Variants in ADCY7 observed in about 807,000 individuals in gnomAD.
ADCY7 encodes the protein adenylate cyclase type 7.
Under a neutral mutation model 120.6 loss-of-function variants are expected in ADCY7, and 72 were observed. The observed-to-expected ratio is 0.60, with a 90% CI of 0.49 to 0.73. The LOEUF is 0.73. Ranked by LOEUF, ADCY7 falls within the 30% of genes least tolerant of loss-of-function variation. The probability of loss-of-function intolerance (pLI) is 0.00; values close to 1 mark genes in which losing one functional copy is unlikely to be tolerated. For missense variants in ADCY7, 1,227 were observed against 1,486.0 expected, an observed-to-expected ratio of 0.83 and a Z score of 2.87; for synonymous variants, 661 against 628.0, an observed-to-expected ratio of 1.05 and a Z score of -0.78.
At chr16:50,263,304 G>A (rs1215715601), upstream of ADCY7, among the ~76,000 whole-genome samples, 4 of 152,094 alleles carry the variant, frequency 2.6e-5, no homozygotes, top group Admixed American at 1.3e-4. Flanking sequence ...CCTAGACAGC[G>A]TGAGGGGTGG....
intron 1 of ADCY7, among the ~76,000 whole-genome samples, chr16:50,284,826 G>C (rs958164456): frequency 2.0e-5 from 3 of 152,252 alleles, no homozygotes; most frequent in Non-Finnish European, 4.4e-5. Flanking sequence ...TCTGGGCTCA[G>C]TTCTGCATCT....
intron 6 of ADCY7, 29 bp from the exon 7 acceptor site, chr16:50,294,611 C>T (rs1475561200): frequency 7.8e-7 from 1 of 1,289,802 alleles, no homozygotes. Context: ...CTGGCTCTGA[C>T]ACTCCCTCCC....
chr16:50,314,349 A>T lies in ADCY7; in HGVS notation c.2914A>T (p.Met972Leu). The T allele has an allele frequency of 6.2e-7, 1 of 1,614,146 alleles. No homozygotes were observed. The highest frequency in any genetic ancestry group is 8.5e-7 in the Non-Finnish European group (1 of 1,180,026). The change falls in exon 24 of 26, where the codon ATG (methionine) becomes TTG (leucine). Residue 972 changes from methionine (M) to leucine (L), a missense_variant. Physicochemically the swap from Met to Leu is conservative, Grantham distance 15. Coordinates refer to ENST00000673801, the MANE Select transcript of ADCY7 (RefSeq NM_001114.5). ...GVMVEFSIALMSKLDGINRHS... is the reference protein window; with the variant it reads ...GVMVEFSIALLSKLDGINRHS... ...CATGGTGGAGTTCAGCATCGCCCTGATGAGTAAGCTGGACGGCATCAACAG... is the reference window on the plus strand; with the variant it reads ...CATGGTGGAGTTCAGCATCGCCCTGTTGAGTAAGCTGGACGGCATCAACAG...
rs764479195 is a variant in ADCY7 at position 50,308,393 on chromosome 16, C to G, written c.1917C>G (p.Cys639Trp). The G allele has an allele frequency of 2.5e-5, 40 of 1,613,848 alleles. No individual in the cohort carries two copies. The highest frequency in any genetic ancestry group is 3.3e-5 in the Non-Finnish European group (39 of 1,179,968). Residue 639 changes from cysteine to tryptophan, a missense_variant, in exon 16 of 26, where the codon TGC (cysteine) becomes TGG (tryptophan). Cys to Trp is a radical substitution (Grantham distance 215). Coordinates refer to ENST00000673801, the MANE Select transcript of ADCY7 (RefSeq NM_001114.5). Reference sequence around the variant, plus strand: ...TACTGGGGCTGGTGCTGGGCCTGTGCTTTGCCACCAAGTTCTCGGTAAGTG... The same window carrying G: ...TACTGGGGCTGGTGCTGGGCCTGTGGTTTGCCACCAAGTTCTCGGTAAGTG... ...ACVLGLVLGL[C>W]FATKFSRCCP... is the part of the protein sequence containing the mutation.
intron 7 of ADCY7, among the ~76,000 whole-genome samples, chr16:50,298,165 C>T (rs1327267125): frequency 6.6e-6 from 1 of 152,116 alleles, no homozygotes; most frequent in African/African-American, 2.4e-5. Flanking sequence ...GCCCTGTCAG[C>T]ACAGCCACTG....
At chr16:50,274,793 C>T (rs768563576) in intron 1 of ADCY7, among the ~76,000 whole-genome samples, 1 of 152,182 alleles carries the variant, frequency 6.6e-6, no homozygotes, top group Non-Finnish European at 1.5e-5. Context: ...CTGTGACTGG[C>T]TTCTCTGCTG....
Position 50,291,901 on chromosome 16 carries a change from AGGG to A in ADCY7, c.537+5_537+7del. 6.2e-7 allele frequency: 1 copy of A among 1,606,136 alleles called. No homozygotes were observed. The highest frequency in any genetic ancestry group is 8.5e-7 in the Non-Finnish European group (1 of 1,175,840). On this transcript the variant is annotated splice_donor_5th_base_variant and intron_variant, in intron 4 of 25. Coordinates refer to ENST00000673801, the MANE Select transcript of ADCY7 (RefSeq NM_001114.5). ...CAGTGTCCGGGTGGGGCTGCAGGTGAGGGATGGGCTAAGGCCTCTGGGGGAGGT... is the reference window on the plus strand; with the variant it reads ...CAGTGTCCGGGTGGGGCTGCAGGTGAATGGGCTAAGGCCTCTGGGGGAGGT...
In ADCY7 at chr16:50,314,320, G is replaced by A; in HGVS notation, c.2885G>A (p.Gly962Asp). 3 of 1,614,156 alleles carry A rather than the reference G, an allele frequency of 1.9e-6. No individual in the cohort carries two copies. The South Asian group carries it at 3.3e-5, about 18-fold the overall frequency. ...CTGGAGCGGCAGCATGCCCACATTG[G>A]TGTCATGGTGGAGTTCAGCATCGCC... ...QELERQHAHI[G>D]VMVEFSIALM... is the part of the protein sequence containing the mutation. Residue 962 changes from glycine to aspartate, a missense_variant, in exon 24 of 26, where the codon GGT becomes GAT. Physicochemically the swap from Gly to Asp is moderately conservative, Grantham distance 94 (BLOSUM62 -1). Transcript: ENST00000673801.
intron 23 of ADCY7, 67 bp downstream of exon 23, chr16:50,314,129 T>G (rs112298229): frequency 1.3e-6 from 2 of 1,502,358 alleles, no homozygotes; most frequent in African/African-American, 2.7e-5. Context: ...TCACCTTACT[T>G]AAAGGGTGTG....
At chr16:50,257,865 C>T (rs989318025) in intron 1 of ADCY7, among the ~76,000 whole-genome samples, 8 of 151,908 alleles carry the variant, frequency 5.3e-5, no homozygotes, top group Non-Finnish European at 1.0e-4. Flanking sequence ...ACCTCAGCCT[C>T]CCTAATAGCT....
In ADCY7 at chr16:50,297,001, G is replaced by T. The variant is rs189307606; in HGVS notation, c.949-1903G>T. 7.9e-5 allele frequency among the ~76,000 whole-genome samples: 12 copies of T among 152,342 alleles called. No individual in the cohort carries two copies. Among genetic ancestry groups the T allele is most frequent in the Non-Finnish European group, 1.5e-4 (10 of 68,030 alleles). ...GCCTCATGTGAGGCAGGGGCCCTGG[G>T]CTCGGGCCACAGCTGGCCCTTTCCT... On this transcript the variant is annotated intron_variant, in intron 7 of 25. Transcript: ENST00000673801. This position sits in a 1 kb window ranked among gnomAD's most constrained non-coding sequence, Gnocchi z 4.4.
At chr16:50,311,967 T>G in intron 20 of ADCY7, 69 bp from the exon 21 acceptor site, 1 of 1,596,866 alleles carries the variant, frequency 6.3e-7, no homozygotes, top group South Asian at 1.1e-5. Flanking sequence ...CAGACCTGGC[T>G]AGGAGATGCA....
chr16:50,314,694 A>G (rs993285207), intron 24 of ADCY7: 8 of 460,840 alleles, frequency 1.7e-5, no homozygotes, highest in Non-Finnish European at 2.7e-5. Context: ...TACTAAACCT[A>G]AATAGTTGCG....
chr16:50,315,515 C>A lies in ADCY7; in HGVS notation c.*10C>A, dbSNP rs777811039. 6.2e-7 allele frequency: 1 copy of A among 1,601,074 alleles called. No individual in the cohort carries two copies. Among genetic ancestry groups the A allele is most frequent in the Non-Finnish European group, 8.6e-7 (1 of 1,169,020 alleles). On this transcript the variant is annotated 3_prime_UTR_variant, in exon 26 of 26. Transcript: ENST00000673801. ...GCTGGGGCTGAACTGAGGGCTCCTG[C>A]TGGATTCCGAAAAGGCCGGGAAGCC...
chr16:50,300,011 G>A (rs2035613602), intron 8 of ADCY7, among the ~76,000 whole-genome samples: 1 of 152,174 alleles, frequency 6.6e-6, no homozygotes, highest in Non-Finnish European at 1.5e-5. Context: ...CATGGTCTGG[G>A]CCCCTGTGTT....
rs202236162 is a variant in ADCY7, at chr16:50,313,430, AACAAC to A, written c.2751+396_2751+400del. On this transcript the variant is annotated intron_variant, in intron 22 of 25. Transcript: ENST00000673801. Reference sequence around the variant, plus strand: ...CAACTCTGTCTCAAACAACAACAACAACAACAAAAAAAAAACGACGTGGCCCGCCT... The same window carrying A: ...CAACTCTGTCTCAAACAACAACAACAAAAAAAAAAACGACGTGGCCCGCCT... The A allele has an allele frequency of 8.1e-3, 1,381 of 170,856 alleles. 30 individuals carry two copies. The highest frequency in any genetic ancestry group is 0.032 in the African/African-American group (1,317 of 40,612). The allele number at this position is 170,856 out of a possible 1,614,324, so 10.6% of individuals were successfully genotyped here. A position where few individuals can be genotyped will look rare whatever the true frequency, so the allele number is the denominator to read the frequency against.
chr16:50,300,706 C>T lies in ADCY7; in HGVS notation c.1077-9C>T. Reference sequence around the variant, plus strand: ...GCAGGGCTGGGGTGACTGGGCCACTCTGCCCCAGGCAGGTGCGGGAGGCCA... The same window carrying T: ...GCAGGGCTGGGGTGACTGGGCCACTTTGCCCCAGGCAGGTGCGGGAGGCCA... On this transcript the variant is annotated splice_polypyrimidine_tract_variant and intron_variant, in intron 8 of 25. Coordinates refer to ENST00000673801, the MANE Select transcript of ADCY7 (RefSeq NM_001114.5). 1 of 1,551,404 alleles carries T rather than the reference C, an allele frequency of 6.4e-7. No individual in the cohort carries two copies. Among genetic ancestry groups the T allele is most frequent in the Non-Finnish European group, 8.7e-7 (1 of 1,146,866 alleles).
intron 10 of ADCY7, among the ~76,000 whole-genome samples, chr16:50,303,893 G>A (rs983519987): frequency 1.3e-5 from 2 of 152,136 alleles, no homozygotes; most frequent in Non-Finnish European, 2.9e-5. Context: ...CCGGCCACAC[G>A]TGGGAGGGCA....
At chr16:50,312,831 C>T in intron 21 of ADCY7, 59 bp from the exon 22 acceptor site, 2 of 1,473,334 alleles carry the variant, frequency 1.4e-6, no homozygotes, top group Non-Finnish European at 1.8e-6. Context: ...GAGGCCTTGC[C>T]ACTCTTCCTG....
Sources: allele counts gnomAD v4.1 joint callset (sites outside exome capture counted in the v4.1 genomes callset), GRCh38; gene constraint gnomAD v4.1.1; non-coding constraint Gnocchi (gnomAD v3.1); transcripts MANE v1.5; gene names NCBI Gene and HGNC (gene_info 2026-07-23, HGNC 2026-07-21).